SLAMF1: variants seen among roughly 807,000 people sequenced by gnomAD.
The protein encoded by SLAMF1 is signaling lymphocytic activation molecule.
In SLAMF1, 18 loss-of-function variants were observed where a neutral mutation model predicts 35.1. The observed-to-expected ratio is 0.51, with a 90% CI of 0.35 to 0.76. SLAMF1 has a LOEUF of 0.76. Ranked by LOEUF, SLAMF1 falls within the 30% of genes least tolerant of loss-of-function variation. The probability of loss-of-function intolerance (pLI) is 0.01; values close to 1 mark genes in which losing one functional copy is unlikely to be tolerated. For missense variants in SLAMF1, 392 were observed against 413.0 expected (o/e 0.95, Z 0.44); for synonymous variants, 168 against 157.2 (o/e 1.07, Z -0.51).
chr1:160,645,364 T>G (rs1349218461), intron 1 of SLAMF1, among the ~76,000 whole-genome samples: 1 of 152,232 alleles, frequency 6.6e-6, no homozygotes, highest in Non-Finnish European at 1.5e-5. Flanking sequence ...TTTGTGAAGA[T>G]TCAAAGAAGA....
At chr1:160,631,895 A>G (rs557774606) in intron 3 of SLAMF1, among the ~76,000 whole-genome samples, 1 of 152,250 alleles carries the variant, frequency 6.6e-6, no homozygotes, top group East Asian at 1.9e-4. Flanking sequence ...TAGCAAACTG[A>G]GACAGGTGGG....
chr1:160,614,598 A>C (rs896041833), intron 5 of SLAMF1, among the ~76,000 whole-genome samples: 2 of 151,310 alleles, frequency 1.3e-5, no homozygotes, highest in African/African-American at 4.9e-5. Flanking sequence ...AAAAGAAGAG[A>C]GACCTTTATC....
intron 3 of SLAMF1, among the ~76,000 whole-genome samples, chr1:160,631,660 G>C (rs1288984667): frequency 6.6e-6 from 1 of 152,014 alleles, no homozygotes; most frequent in Non-Finnish European, 1.5e-5. Flanking sequence ...GAGACACCAG[G>C]AAAGAGAAAG....
intron 1 of SLAMF1, among the ~76,000 whole-genome samples, chr1:160,644,070 A>C (rs1371601423): frequency 1.3e-5 from 2 of 152,212 alleles, no homozygotes; most frequent in African/African-American, 4.8e-5. Context: ...TCATTTTCCA[A>C]ATTCCAGGTC....
chr1:160,632,751 T>G (rs1660228701), intron 3 of SLAMF1, among the ~76,000 whole-genome samples: 1 of 152,168 alleles, frequency 6.6e-6, no homozygotes, highest in Non-Finnish European at 1.5e-5. Flanking sequence ...TCATTTACAA[T>G]TAAAAAATAC....
chr1:160,630,411 A>G (rs1022636513), intron 3 of SLAMF1, among the ~76,000 whole-genome samples: 1 of 152,230 alleles, frequency 6.6e-6, no homozygotes, highest in Admixed American at 6.5e-5. Flanking sequence ...AGTCCTGTCA[A>G]GATTCAGTGC....
chr1:160,618,559 T>C (rs920846686), intron 5 of SLAMF1, among the ~76,000 whole-genome samples: 1 of 152,136 alleles, frequency 6.6e-6, no homozygotes, highest in African/African-American at 2.4e-5. Flanking sequence ...TGGCTACAAA[T>C]AGAGTAGAGA....
intron 5 of SLAMF1, among the ~76,000 whole-genome samples, chr1:160,615,472 T>C (rs1210217445): frequency 6.6e-6 from 1 of 152,016 alleles, no homozygotes; most frequent in Non-Finnish European, 1.5e-5. Context: ...ATAATAAAAA[T>C]ATAACTTAAA....
intron 3 of SLAMF1, among the ~76,000 whole-genome samples, chr1:160,633,995 TTTA>T (rs1247835936): frequency 6.6e-6 from 1 of 152,166 alleles, no homozygotes; most frequent in Non-Finnish European, 1.5e-5. Flanking sequence ...CGCTGTGCAA[TTTA>T]TTATTTTTCC....
Position 160,616,991 on chromosome 1 carries a change from A to G in SLAMF1, c.864+2785T>C, listed in dbSNP as rs531501331. Among the ~76,000 whole-genome samples, 16 of 152,196 alleles carry G rather than the reference A, an allele frequency of 1.1e-4. 1 individual carries two copies. The East Asian group carries it at 2.9e-3, about 28-fold the overall frequency. On this transcript the variant is annotated intron_variant, in intron 5 of 6. Transcript: ENST00000302035. ...GCCAACATGGTGAAATACTGTCTCT[A>G]CTAAAAATACAACAATGAGCCAGGT...
chr1:160,620,778 A>C (rs1478312472), intron 4 of SLAMF1, among the ~76,000 whole-genome samples: 1 of 152,216 alleles, frequency 6.6e-6, no homozygotes, highest in Non-Finnish European at 1.5e-5. Context: ...GAGATGATGG[A>C]AATGTTCCAT....
chr1:160,646,314 A>G (rs988110341), intron 1 of SLAMF1, among the ~76,000 whole-genome samples: 2 of 152,034 alleles, frequency 1.3e-5, no homozygotes, highest in South Asian at 2.1e-4. Flanking sequence ...GAAAATACAC[A>G]CCAGTATGAC....
chr1:160,619,162 T>A (rs1171665999), intron 5 of SLAMF1, among the ~76,000 whole-genome samples: 2 of 152,258 alleles, frequency 1.3e-5, no homozygotes, highest in Non-Finnish European at 2.9e-5. Flanking sequence ...ACAGTGTCTC[T>A]ACATCTAACC....
rs780385132 is a variant in SLAMF1 at position 160,637,540 on chromosome 1, G to A, written c.77-11C>T. The A allele has an allele frequency of 6.3e-7, 1 of 1,588,292 alleles. No individual in the cohort carries two copies. The stretch of plus-strand genomic sequence containing the variant: ...TCATCATGCGCCCACCTGTGGGAGG[G>A]AGGAGAAGAGAGTCCCTTATTATTA... On this transcript the variant is annotated splice_polypyrimidine_tract_variant and intron_variant, in intron 1 of 6. Transcript: ENST00000302035.
chr1:160,625,294 CTT>C (rs1331473541), intron 3 of SLAMF1, among the ~76,000 whole-genome samples: 1 of 152,076 alleles, frequency 6.6e-6, no homozygotes, highest in Non-Finnish European at 1.5e-5. Context: ...GTAAGGGAAA[CTT>C]ATAAGGATGA....
chr1:160,619,740 A>C (rs780886162), intron 5 of SLAMF1, 36 bp downstream of exon 5: 38 of 1,318,224 alleles, frequency 2.9e-5, no homozygotes, highest in Non-Finnish European at 3.6e-5. Context: ...TCTAGGAAAC[A>C]TGACAGGTTC....
At chr1:160,639,196 G>A (rs902028171) in intron 1 of SLAMF1, among the ~76,000 whole-genome samples, 5 of 152,030 alleles carry the variant, frequency 3.3e-5, no homozygotes, top group African/African-American at 9.7e-5. Flanking sequence ...AAACATCCTT[G>A]ATTCCTTTCT....
At chr1:160,640,359 TACAC>T (rs1184249247) in intron 1 of SLAMF1, among the ~76,000 whole-genome samples, 2 of 122,470 alleles carry the variant, frequency 1.6e-5, no homozygotes, top group Non-Finnish European at 3.3e-5. Context: ...TATATATATA[TACAC>T]ACACACACAC....
In SLAMF1 at chr1:160,634,895, G is replaced by A. The variant is rs773800557; in HGVS notation, c.418C>T (p.Gln140Ter). 6.2e-7 allele frequency: 1 copy of A among 1,607,240 alleles called. No homozygotes were observed. The highest frequency in any genetic ancestry group is 8.5e-7 in the Non-Finnish European group (1 of 1,175,012). ...ACTTTAATTTCTGGAGTGGAGACCT[G>A]CTCTGTCAGGAGTGGGAGGAAGGGA... The part of the protein sequence containing the change: ...RFCLQLRLYE[Q>*]VSTPEIKVLN... The change falls in exon 3 of 7, where the codon CAG becomes TAG. Residue 140 changes from glutamine to a stop codon, truncating the protein, a stop_gained and splice_region_variant. Coordinates refer to ENST00000302035, the MANE Select transcript of SLAMF1 (RefSeq NM_003037.5). LOFTEE classifies it high-confidence loss of function.
Sources: allele counts gnomAD v4.1 joint callset (sites outside exome capture counted in the v4.1 genomes callset), GRCh38; gene constraint gnomAD v4.1.1; transcripts MANE v1.5; gene names NCBI Gene and HGNC (gene_info 2026-07-23, HGNC 2026-07-21).